MAN2A1: variants seen among roughly 807,000 people sequenced by gnomAD.
MAN2A1 encodes alpha-mannosidase 2.
Under a neutral mutation model 142.6 loss-of-function variants are expected in MAN2A1, and 76 were observed. The ratio of observed to expected loss-of-function variants is 0.53; its 90% CI spans 0.44 to 0.65. The LOEUF (loss-of-function observed/expected upper bound fraction) is 0.65. MAN2A1 is among the 30% of genes least tolerant of loss of function. MAN2A1 has a pLI of 0.00. For synonymous variants in MAN2A1, 559 were observed against 473.2 expected (o/e 1.18, Z -2.35); for missense variants, 1,311 against 1,365.1 (o/e 0.96, Z 0.62).
At chr5:109,745,005 G>A (rs1320858845) in intron 4 of MAN2A1, among the ~76,000 whole-genome samples, 1 of 152,140 alleles carries the variant, frequency 6.6e-6, no homozygotes, top group Admixed American at 6.6e-5. Context: ...AGACAGAAGA[G>A]TAAATATTGT....
intron 16 of MAN2A1, among the ~76,000 whole-genome samples, chr5:109,825,906 T>G (rs1754745373): frequency 7.6e-6 from 1 of 131,642 alleles, no homozygotes; most frequent in African/African-American, 2.8e-5. Context: ...CTTCCTTTTT[T>G]TTTTTTTTTT....
intron 4 of MAN2A1, among the ~76,000 whole-genome samples, chr5:109,747,888 C>T (rs1482580654): frequency 1.3e-5 from 2 of 152,144 alleles, no homozygotes; most frequent in Admixed American, 1.3e-4. Context: ...ACCAGCAATG[C>T]ACAGATTTCT....
chr5:109,776,580 C>G (rs1262005514), intron 8 of MAN2A1, among the ~76,000 whole-genome samples: 1 of 152,072 alleles, frequency 6.6e-6, no homozygotes, highest in Non-Finnish European at 1.5e-5. Context: ...TCATCCTTTG[C>G]CTACTAGAAC....
intron 5 of MAN2A1, among the ~76,000 whole-genome samples, chr5:109,764,312 T>C (rs1468878610): frequency 6.6e-6 from 1 of 152,194 alleles, no homozygotes; most frequent in African/African-American, 2.4e-5. Context: ...ATGTTTTCCA[T>C]ACTTTGTTCT....
intron 6 of MAN2A1, among the ~76,000 whole-genome samples, chr5:109,770,055 C>T (rs1753100407): frequency 6.6e-6 from 1 of 152,192 alleles, no homozygotes; most frequent in Non-Finnish European, 1.5e-5. Flanking sequence ...CCAGCTGTAA[C>T]TTTTACGGCT....
At chr5:109,771,425 C>T (rs1161390589) in intron 7 of MAN2A1, among the ~76,000 whole-genome samples, 1 of 152,116 alleles carries the variant, frequency 6.6e-6, no homozygotes, top group Non-Finnish European at 1.5e-5. Context: ...TCCTTAGAAT[C>T]ACAAAGATTT....
At chr5:109,864,927 G>C (rs1441543903) in intron 20 of MAN2A1, 109 bp from the exon 21 acceptor site, 4 of 768,226 alleles carry the variant, frequency 5.2e-6, no homozygotes, top group African/African-American at 3.4e-5. Context: ...TAACTTTCTT[G>C]CTAAATAAAT....
intron 9 of MAN2A1, among the ~76,000 whole-genome samples, chr5:109,783,777 A>C (rs1188472477): frequency 2.8e-5 from 4 of 144,944 alleles, no homozygotes; most frequent in Non-Finnish European, 6.2e-5. Flanking sequence ...CTTGAGCCAT[A>C]TCCTCTGATG....
At chr5:109,779,355 A>T (rs1753384051) in intron 8 of MAN2A1, among the ~76,000 whole-genome samples, 1 of 152,146 alleles carries the variant, frequency 6.6e-6, no homozygotes. Flanking sequence ...CTAAACTTTG[A>T]AGTTCAAAAT....
intron 13 of MAN2A1, 32 bp downstream of exon 13, chr5:109,817,470 T>C: frequency 6.2e-7 from 1 of 1,606,558 alleles, no homozygotes; most frequent in Non-Finnish European, 8.5e-7. Context: ...TAAGGAGGCA[T>C]TGTAAAACAA....
intron 1 of MAN2A1, among the ~76,000 whole-genome samples, chr5:109,712,501 A>G (rs192212489): frequency 1.3e-5 from 2 of 152,084 alleles, no homozygotes; most frequent in Admixed American, 1.3e-4. Context: ...GGGCGTTTGG[A>G]TATTTTCTAT....
intron 12 of MAN2A1, among the ~76,000 whole-genome samples, chr5:109,813,106 A>C (rs1034892652): frequency 6.6e-6 from 1 of 152,210 alleles, no homozygotes; most frequent in African/African-American, 2.4e-5. Context: ...CAGTGAGGTC[A>C]TGAGATGAAC....
intron 12 of MAN2A1, among the ~76,000 whole-genome samples, chr5:109,810,324 A>G (rs552911922): frequency 6.6e-6 from 1 of 152,268 alleles, no homozygotes; most frequent in Non-Finnish European, 1.5e-5. Context: ...CTTCTTCTAG[A>G]TAGATGTTCC....
intron 8 of MAN2A1, among the ~76,000 whole-genome samples, chr5:109,778,452 C>T (rs537859859): frequency 2.0e-5 from 3 of 152,094 alleles, no homozygotes; most frequent in South Asian, 4.1e-4. Context: ...AGAAAACATT[C>T]GTTAGTCATA....
At chr5:109,841,459 T>C (rs180926246) in intron 16 of MAN2A1, among the ~76,000 whole-genome samples, 171 of 152,354 alleles carry the variant, frequency 1.1e-3, no homozygotes, top group Admixed American at 2.3e-3. Context: ...TGGAGGTCGC[T>C]GCAAATGCCA....
chr5:109,850,813 A>G (rs1755464284), intron 19 of MAN2A1, among the ~76,000 whole-genome samples: 3 of 152,164 alleles, frequency 2.0e-5, no homozygotes, highest in African/African-American at 7.2e-5. Context: ...TAATGTTTTT[A>G]TGTTGATTAA....
intron 1 of MAN2A1, among the ~76,000 whole-genome samples, chr5:109,707,737 G>T (rs553280499): frequency 3.9e-4 from 59 of 152,266 alleles, no homozygotes; most frequent in Non-Finnish European, 6.5e-4. Context: ...GCTTGGAACG[G>T]AGATAAGATG....
chr5:109,779,202 C>G (rs1471895123), intron 8 of MAN2A1, among the ~76,000 whole-genome samples: 1 of 152,038 alleles, frequency 6.6e-6, no homozygotes, highest in Non-Finnish European at 1.5e-5. Flanking sequence ...TTGAGAAAGC[C>G]TACTAGGCTA....
intron 16 of MAN2A1, among the ~76,000 whole-genome samples, chr5:109,826,525 T>C (rs1284161619): frequency 6.6e-6 from 1 of 152,236 alleles, no homozygotes; most frequent in African/African-American, 2.4e-5. Context: ...GTGTTTGTAT[T>C]TGAGCTCCTC....
Sources: allele counts gnomAD v4.1 joint callset (sites outside exome capture counted in the v4.1 genomes callset), GRCh38; gene constraint gnomAD v4.1.1; transcripts MANE v1.5; gene names NCBI Gene and HGNC (gene_info 2026-07-23, HGNC 2026-07-21).